CDH12: variants seen among roughly 807,000 people sequenced by gnomAD.
The protein encoded by CDH12 is cadherin-12.
A neutral mutation model predicts 74.1 loss-of-function variants in CDH12; 41 were observed. The ratio of observed to expected loss-of-function variants is 0.55; its 90% CI spans 0.43 to 0.72. The LOEUF (loss-of-function observed/expected upper bound fraction) is 0.72. CDH12 is among the 30% of genes least tolerant of loss of function. The pLI, the probability that CDH12 is intolerant of heterozygous loss-of-function variation, is 0.00. For missense variants in CDH12, 945 were observed against 977.2 expected, an observed-to-expected ratio of 0.97 and a Z score of 0.44; for synonymous variants, 399 against 355.0, an observed-to-expected ratio of 1.12 and a Z score of -1.39.
chr5:22,025,580 T>G (rs897928168), intron 5 of CDH12, among the ~76,000 whole-genome samples: 1 of 152,184 alleles, frequency 6.6e-6, no homozygotes, highest in Non-Finnish European at 1.5e-5. Context: ...CTGGGTTGGC[T>G]GCAGTGTTAC....
intron 2 of CDH12, among the ~76,000 whole-genome samples, chr5:22,451,546 G>A (rs1167727059): frequency 6.6e-6 from 1 of 151,784 alleles, no homozygotes; most frequent in Non-Finnish European, 1.5e-5. Flanking sequence ...AATAAATTAG[G>A]TATAGAAGGA....
chr5:21,796,341 G>C (rs1746778114), intron 10 of CDH12, among the ~76,000 whole-genome samples: 1 of 151,384 alleles, frequency 6.6e-6, no homozygotes, highest in Non-Finnish European at 1.5e-5. Flanking sequence ...TTATAATAAA[G>C]AGTTGAATAT....
intron 1 of CDH12, among the ~76,000 whole-genome samples, chr5:22,757,919 A>G (rs1011362688): frequency 6.6e-6 from 1 of 152,222 alleles, no homozygotes; most frequent in African/African-American, 2.4e-5. Context: ...TGTACCATGT[A>G]GTACAACATC....
intron 5 of CDH12, among the ~76,000 whole-genome samples, chr5:22,028,886 A>G (rs1024594684): frequency 7.2e-5 from 11 of 152,210 alleles, no homozygotes; most frequent in African/African-American, 2.7e-4. Flanking sequence ...AGTAACCAAA[A>G]CAGCATGGTA....
At chr5:21,979,836 G>T (rs1379448307) in intron 5 of CDH12, among the ~76,000 whole-genome samples, 1 of 151,584 alleles carries the variant, frequency 6.6e-6, no homozygotes, top group Non-Finnish European at 1.5e-5. Flanking sequence ...GGTATTTCTA[G>T]TTCTAGATCC....
At position 22,559,397 on chromosome 5, in the gene CDH12, A is replaced by G. The variant is rs920787106; in HGVS notation, c.-522-54033T>C. Among the ~76,000 whole-genome samples, 3 of 152,146 alleles carry G rather than the reference A, an allele frequency of 2.0e-5. No homozygotes were observed. In the East Asian group the frequency reaches 5.8e-4, roughly 29 times the overall value. The stretch of plus-strand genomic sequence containing the variant: ...AGTTAAAATCAAACAACAAAAGAGA[A>G]AAACAACAGCAATGTAAAAGTTTTG... On this transcript the variant is annotated intron_variant, in intron 1 of 14. Coordinates refer to ENST00000382254, the MANE Select transcript of CDH12 (RefSeq NM_004061.5).
intron 2 of CDH12, among the ~76,000 whole-genome samples, chr5:22,502,409 T>A (rs1190917036): frequency 6.6e-6 from 1 of 152,122 alleles, no homozygotes; most frequent in African/African-American, 2.4e-5. Flanking sequence ...CCTCTTTTTC[T>A]TTATAAACTA....
chr5:22,526,087 T>A (rs1737263425), intron 1 of CDH12, among the ~76,000 whole-genome samples: 1 of 152,180 alleles, frequency 6.6e-6, no homozygotes, highest in South Asian at 2.1e-4. Context: ...ACTCATTTCT[T>A]CACTAATATG....
chr5:22,268,651 A>T (rs1319616477), intron 3 of CDH12, among the ~76,000 whole-genome samples: 1 of 151,962 alleles, frequency 6.6e-6, no homozygotes, highest in African/African-American at 2.4e-5. Flanking sequence ...GATGATTCAA[A>T]CCCTACACTG....
At chr5:22,059,828 A>G (rs1561068177) in intron 5 of CDH12, among the ~76,000 whole-genome samples, 1 of 152,168 alleles carries the variant, frequency 6.6e-6, no homozygotes, top group East Asian at 1.9e-4. Context: ...TGATGATAGT[A>G]AAAGTAATTC....
chr5:22,808,012 A>G (rs1185022417), intron 1 of CDH12, among the ~76,000 whole-genome samples: 2 of 152,258 alleles, frequency 1.3e-5, no homozygotes, highest in African/African-American at 4.8e-5. Context: ...AGGATTTTTC[A>G]GCTTCATTAT....
intron 2 of CDH12, among the ~76,000 whole-genome samples, chr5:22,479,648 T>C (rs755934402): frequency 2.6e-5 from 4 of 152,232 alleles, no homozygotes; most frequent in Non-Finnish European, 5.9e-5. Flanking sequence ...AAACAGCATC[T>C]AAATCATTAT....
chr5:22,027,277 T>G (rs561758151), intron 5 of CDH12, among the ~76,000 whole-genome samples: 1 of 152,242 alleles, frequency 6.6e-6, no homozygotes, highest in Non-Finnish European at 1.5e-5. Flanking sequence ...AAAATTCTCT[T>G]TTTTGGTTGT....
At chr5:21,905,719 A>C (rs1046967481) in intron 6 of CDH12, among the ~76,000 whole-genome samples, 3 of 145,650 alleles carry the variant, frequency 2.1e-5, no homozygotes, top group Non-Finnish European at 3.0e-5. Context: ...GTCAATTACC[A>C]TCTCGGCAGA....
chr5:22,287,451 G>C (rs888462465), intron 3 of CDH12, among the ~76,000 whole-genome samples: 15 of 152,018 alleles, frequency 9.9e-5, no homozygotes, highest in African/African-American at 3.4e-4. Flanking sequence ...CAGGCTGGGC[G>C]CGGTGGCTCA....
chr5:22,149,072 C>T (rs1481066104), intron 4 of CDH12, among the ~76,000 whole-genome samples: 4 of 152,104 alleles, frequency 2.6e-5, no homozygotes, highest in Non-Finnish European at 4.4e-5. Flanking sequence ...GAGCCAAGAT[C>T]GTGTCACTGC....
At chr5:22,705,451 G>A (rs1262872710) in intron 1 of CDH12, among the ~76,000 whole-genome samples, 3 of 145,856 alleles carry the variant, frequency 2.1e-5, no homozygotes. Context: ...TTAATTCAAA[G>A]TAAACTTTTT....
At chr5:22,473,263 T>A (rs912999337) in intron 2 of CDH12, among the ~76,000 whole-genome samples, 1 of 152,132 alleles carries the variant, frequency 6.6e-6, no homozygotes, top group Non-Finnish European at 1.5e-5. Context: ...TCCATTCTGC[T>A]GCATCACTCT....
At chr5:22,365,983 G>GTTT (rs1741013712) in intron 3 of CDH12, among the ~76,000 whole-genome samples, 1 of 152,096 alleles carries the variant, frequency 6.6e-6, no homozygotes, top group African/African-American at 2.4e-5. Context: ...TTTTGAGACT[G>GTTT]AGTCTAGCTT....
Sources: allele counts gnomAD v4.1 joint callset (sites outside exome capture counted in the v4.1 genomes callset), GRCh38; gene constraint gnomAD v4.1.1; transcripts MANE v1.5; gene names NCBI Gene and HGNC (gene_info 2026-07-23, HGNC 2026-07-21).